Variants in MGA observed in about 807,000 individuals in gnomAD.
MGA encodes the protein MAX dimerization protein MGA, also known as MAX gene-associated protein.
Under a neutral mutation model 261.1 loss-of-function variants are expected in MGA, and 40 were observed. That is an observed-to-expected ratio of 0.15 (90% CI 0.12 to 0.20). The LOEUF is 0.20. MGA is among the 10% of genes least tolerant of loss of function. MGA has a pLI of 1.00. For missense variants in MGA, 3,397 were observed against 3,630.5 expected (o/e 0.94, Z 1.65); for synonymous variants, 1,302 against 1,290.6 (o/e 1.01, Z -0.19).
intron 13 of MGA, among the ~76,000 whole-genome samples, chr15:41,738,502 C>G (rs1218231248): frequency 6.6e-6 from 1 of 152,158 alleles, no homozygotes; most frequent in Admixed American, 6.5e-5. Context: ...ATTTCTTATA[C>G]TCTTGATGAG....
chr15:41,739,812 T>TA lies in MGA; in HGVS notation c.4435-240dup, dbSNP rs2061992140. On this transcript the variant is annotated intron_variant, in intron 13 of 23. Coordinates refer to ENST00000219905, the MANE Select transcript of MGA (RefSeq NM_001164273.2). The stretch of plus-strand genomic sequence containing the variant: ...CCCTTTTAAATCTGAAAAATAGACT[T>TA]ATGAAAACTTGTAAAAATGAAGCCC... 27 of 1,242,682 alleles carry TA rather than the reference T, an allele frequency of 2.2e-5. No individual in the cohort carries two copies. The South Asian group carries it at 3.9e-4, about 18-fold the overall frequency. 77.0% of individuals were successfully genotyped at this position (1,242,682 alleles called of 1,614,324 possible).
At chr15:41,631,837 T>C (rs917703581) in intron 1 of MGA, among the ~76,000 whole-genome samples, 3 of 152,210 alleles carry the variant, frequency 2.0e-5, no homozygotes, top group Non-Finnish European at 2.9e-5. Flanking sequence ...CAAATAATAA[T>C]TTCTAATATG....
intron 15 of MGA, among the ~76,000 whole-genome samples, chr15:41,744,385 A>G (rs1233993030): frequency 1.3e-5 from 2 of 151,974 alleles, no homozygotes; most frequent in Non-Finnish European, 2.9e-5. Flanking sequence ...TTGTATTTTC[A>G]GTAGAGACGA....
chr15:41,737,792 C>A (rs548794441), intron 13 of MGA, among the ~76,000 whole-genome samples: 1 of 151,532 alleles, frequency 6.6e-6, no homozygotes, highest in Non-Finnish European at 1.5e-5. Flanking sequence ...CTAGCCTGGC[C>A]GACATGGCAA....
intron 1 of MGA, among the ~76,000 whole-genome samples, chr15:41,649,160 G>GA (rs1249847898): frequency 6.6e-6 from 1 of 151,990 alleles, no homozygotes; most frequent in East Asian, 1.9e-4. Context: ...GAGGCGGGTG[G>GA]ATCATGAGGT....
At chr15:41,667,850 C>T (rs1032777842) in intron 1 of MGA, among the ~76,000 whole-genome samples, 1 of 152,160 alleles carries the variant, frequency 6.6e-6, no homozygotes, top group Non-Finnish European at 1.5e-5. Flanking sequence ...GTCACCCAGG[C>T]TGGAGTGCAG....
rs1477260954 is a variant in MGA, at chr15:41,750,541, A to G, written c.6934A>G (p.Thr2312Ala). 1 of 1,612,770 alleles carries G rather than the reference A, an allele frequency of 6.2e-7. No homozygotes were observed. Among genetic ancestry groups the G allele is most frequent in the Non-Finnish European group, 8.5e-7 (1 of 1,179,332 alleles). The change falls in exon 17 of 24, where the codon ACT becomes GCT. Residue 2312 changes from threonine (T) to alanine (A), a missense_variant. Coordinates refer to ENST00000219905, the MANE Select transcript of MGA (RefSeq NM_001164273.2). ...AGATGATGAAGATGATAATGAGAAA[A>G]CTGATGATTCTATTGATGAAATTGT... is the stretch of plus-strand genomic sequence containing the variant.
intron 20 of MGA, among the ~76,000 whole-genome samples, chr15:41,761,446 T>C (rs1285548809): frequency 9.9e-5 from 15 of 152,208 alleles, no homozygotes; most frequent in Admixed American, 9.8e-4. Context: ...ATTATTAAAA[T>C]CTAAGCAGAG....
intron 5 of MGA, among the ~76,000 whole-genome samples, chr15:41,700,716 GT>G (rs1566998124): frequency 6.6e-6 from 1 of 151,966 alleles, no homozygotes; most frequent in Non-Finnish European, 1.5e-5. Context: ...CAATTTTCCT[GT>G]TTTGGGGTGT....
intron 1 of MGA, among the ~76,000 whole-genome samples, chr15:41,653,830 G>T (rs1315297186): frequency 1.3e-5 from 2 of 151,754 alleles, no homozygotes; most frequent in Non-Finnish European, 2.9e-5. Flanking sequence ...TAAACTAAGT[G>T]TAACTTAACC....
chr15:41,736,559 T>C lies in MGA; in HGVS notation c.4295T>C (p.Val1432Ala). 6.2e-7 allele frequency: 1 copy of C among 1,614,046 alleles called. No individual in the cohort carries two copies. The highest frequency in any genetic ancestry group is 8.5e-7 in the Non-Finnish European group (1 of 1,179,888). Residue 1432 changes from valine to alanine, a missense_variant, in exon 13 of 24, where the codon GTG becomes GCG. Physicochemically the swap from Val to Ala is moderately conservative, Grantham distance 64 (BLOSUM62 0). Transcript: ENST00000219905. ...GGGAAAATGGAGGATATCTCTCCTG[T>C]GCAGACAGATGCCCTGGATTCAGTG...
intron 3 of MGA, 22 bp from the exon 4 acceptor site, chr15:41,698,838 ATTT>A (rs563747871): frequency 1.8e-3 from 2,327 of 1,320,882 alleles, no homozygotes; most frequent in South Asian, 3.2e-3. Flanking sequence ...ATGAACTACT[ATTT>A]TTTTTTTTTT....
Position 41,743,093 on chromosome 15 carries a change from C to T in MGA, c.5133C>T (p.Thr1711=). The change falls in exon 15 of 24, where the codon ACC becomes ACT. Residue 1711 remains threonine (T), a synonymous_variant. Transcript: ENST00000219905. ...CAGCTGCATCTTCCTCCATGGTGAC[C>T]ACACCAACTTCATCTCTGGGCTCTG... The T allele has an allele frequency of 1.2e-6, 2 of 1,613,932 alleles. No individual in the cohort carries two copies. Among genetic ancestry groups the T allele is most frequent in the Non-Finnish European group, 1.7e-6 (2 of 1,179,856 alleles).
intron 19 of MGA, among the ~76,000 whole-genome samples, chr15:41,759,464 ATT>A (rs67238224): frequency 3.7e-4 from 35 of 94,600 alleles, no homozygotes; most frequent in East Asian, 7.9e-4. Flanking sequence ...GTGTGTGTGT[ATT>A]TTTTTTTTTT....
rs145345932 is a variant in MGA, at chr15:41,638,615, C to T, written c.-68+17317C>T. On this transcript the variant is annotated intron_variant, in intron 1 of 8. Coordinates refer to the MGA transcript ENST00000566718. ...TCTTGAACTCCTGGGCTTAAGTTAT[C>T]CTCCAACCTTGGCCTCTCAAAGTGT... Among the ~76,000 whole-genome samples, 570 of 151,880 alleles carry T rather than the reference C, an allele frequency of 3.8e-3. 2 individuals carry two copies. Among genetic ancestry groups the T allele is most frequent in the African/African-American group, 0.013 (545 of 41,418 alleles).
At chr15:41,654,989 G>A (rs2057134882) in intron 1 of MGA, among the ~76,000 whole-genome samples, 1 of 151,854 alleles carries the variant, frequency 6.6e-6, no homozygotes, top group African/African-American at 2.4e-5. Context: ...TTATTCTAAG[G>A]ATCTGTTTGT....
chr15:41,656,126 T>C (rs1485707808), upstream of MGA, among the ~76,000 whole-genome samples: 2 of 152,126 alleles, frequency 1.3e-5, no homozygotes, highest in Non-Finnish European at 2.9e-5. Context: ...CAGGGTACTA[T>C]GAGAGCATAT....
intron 1 of MGA, among the ~76,000 whole-genome samples, chr15:41,623,888 C>G (rs531165005): frequency 3.4e-4 from 51 of 151,324 alleles, no homozygotes; most frequent in Non-Finnish European, 5.2e-4. Flanking sequence ...GCCTCAGACT[C>G]CCGAGTAGCT....
At chr15:41,637,278 G>A (rs1026440263) in intron 1 of MGA, among the ~76,000 whole-genome samples, 2 of 152,122 alleles carry the variant, frequency 1.3e-5, no homozygotes, top group Admixed American at 6.6e-5. Context: ...GTCATGGTTC[G>A]TATCATATTG....
Sources: allele counts gnomAD v4.1 joint callset (sites outside exome capture counted in the v4.1 genomes callset), GRCh38; gene constraint gnomAD v4.1.1; transcripts MANE v1.5; gene names NCBI Gene and HGNC (gene_info 2026-07-23, HGNC 2026-07-21).